ETNK1: variants seen among roughly 807,000 people sequenced by gnomAD.
ETNK1 encodes ethanolamine kinase 1.
In ETNK1, 8 loss-of-function variants were observed where a neutral mutation model predicts 45.1. The observed-to-expected ratio is 0.18, with a 90% CI of 0.10 to 0.32. ETNK1 has a LOEUF of 0.32. Ranked by LOEUF, ETNK1 falls within the 10% of genes least tolerant of loss-of-function variation. The pLI is 1.00. For missense variants in ETNK1, 302 were observed against 430.6 expected, an observed-to-expected ratio of 0.70 and a Z score of 2.64; for synonymous variants, 152 against 151.9, an observed-to-expected ratio of 1.00 and a Z score of -0.01.
chr12:22,643,628 C>T, intron 1 of ETNK1, 135 bp from the exon 2 acceptor site: 1 of 602,182 alleles, frequency 1.7e-6, no homozygotes, highest in East Asian at 2.8e-5. Flanking sequence ...AAATTGTATT[C>T]AAAGATGGTT....
In ETNK1 at chr12:22,659,101, A is replaced by C; in HGVS notation, c.504A>C (p.Gly168=). ...IPKSNLWLKM[G]KYFSLIPTGF... ...AATCTAATCTTTGGCTAAAGATGGG[A>C]AAGTATTTCTCTCTCATTCCCACAG... Residue 168 remains glycine, a synonymous_variant, in exon 3 of 8, where the codon GGA becomes GGC. Transcript: ENST00000266517. 6.2e-7 allele frequency: 1 copy of C among 1,613,898 alleles called. No homozygotes were observed. The highest frequency in any genetic ancestry group is 8.5e-7 in the Non-Finnish European group (1 of 1,179,856).
intron 6 of ETNK1, among the ~76,000 whole-genome samples, chr12:22,674,202 C>T (rs1014077028): frequency 6.6e-6 from 1 of 152,070 alleles, no homozygotes; most frequent in African/African-American, 2.4e-5. Flanking sequence ...TCTTTACATG[C>T]ATTTATATTT....
At chr12:22,647,442 T>C (rs1028769058) in intron 2 of ETNK1, among the ~76,000 whole-genome samples, 4 of 151,914 alleles carry the variant, frequency 2.6e-5, no homozygotes, top group African/African-American at 9.7e-5. Flanking sequence ...AAGAAAGTTA[T>C]ATGCTGTATT....
intron 1 of ETNK1, 144 bp from the exon 2 acceptor site, chr12:22,643,619 A>C: frequency 1.8e-6 from 1 of 569,900 alleles, no homozygotes; most frequent in Non-Finnish European, 3.0e-6. Flanking sequence ...TGTTAGATAA[A>C]ATTGTATTCA....
intron 6 of ETNK1, among the ~76,000 whole-genome samples, chr12:22,679,810 C>G (rs1838394957): frequency 1.3e-5 from 2 of 150,806 alleles, no homozygotes; most frequent in African/African-American, 4.9e-5. Context: ...AAGCAGTTCT[C>G]TGGCCTCAGT....
chr12:22,636,153 G>GA (rs1212864079), intron 1 of ETNK1, among the ~76,000 whole-genome samples: 1 of 152,078 alleles, frequency 6.6e-6, no homozygotes, highest in East Asian at 1.9e-4. Context: ...AACAGAGTGG[G>GA]ACCCTCTCTC....
chr12:22,635,355 A>G (rs1247787948), intron 1 of ETNK1, among the ~76,000 whole-genome samples: 1 of 152,210 alleles, frequency 6.6e-6, no homozygotes, highest in Non-Finnish European at 1.5e-5. Flanking sequence ...AGTTGTTGGC[A>G]TCAGCTGCTG....
chr12:22,671,696 G>A (rs187585300), intron 5 of ETNK1, among the ~76,000 whole-genome samples: 13 of 151,896 alleles, frequency 8.6e-5, no homozygotes, highest in African/African-American at 2.7e-4. Flanking sequence ...AAATTTAGCC[G>A]GGCGTGGTGG....
At chr12:22,642,966 A>G (rs1393377846) in intron 1 of ETNK1, among the ~76,000 whole-genome samples, 1 of 152,002 alleles carries the variant, frequency 6.6e-6, no homozygotes, top group African/African-American at 2.4e-5. Context: ...GCTCAAATCT[A>G]AAAAAGGATT....
intron 4 of ETNK1, among the ~76,000 whole-genome samples, chr12:22,666,774 G>A (rs913788538): frequency 1.1e-4 from 17 of 152,058 alleles, no homozygotes; most frequent in African/African-American, 4.1e-4. Context: ...GAGTAAATCA[G>A]GTTTTGTTTT....
chr12:22,648,554 T>C (rs551581406), intron 2 of ETNK1, among the ~76,000 whole-genome samples: 1 of 152,148 alleles, frequency 6.6e-6, no homozygotes, highest in South Asian at 2.1e-4. Context: ...ATTGGCAGAT[T>C]TCTTTTTAGG....
intron 2 of ETNK1, chr12:22,656,814 A>C (rs1953947656): frequency 6.1e-6 from 6 of 979,838 alleles, no homozygotes; most frequent in Non-Finnish European, 7.3e-6. Flanking sequence ...AATCTGTTAG[A>C]GTTAAATATC....
At chr12:22,683,249 T>C (rs1416486158) in intron 6 of ETNK1, among the ~76,000 whole-genome samples, 1 of 152,010 alleles carries the variant, frequency 6.6e-6, no homozygotes, top group East Asian at 1.9e-4. Context: ...GGAAAGAAAT[T>C]ATATTCCTGT....
intron 4 of ETNK1, among the ~76,000 whole-genome samples, chr12:22,663,657 GT>G (rs1170686063): frequency 6.6e-6 from 1 of 152,034 alleles, no homozygotes; most frequent in Non-Finnish European, 1.5e-5. Flanking sequence ...GTTGTCATTT[GT>G]TTTTGTGCCA....
intron 5 of ETNK1, among the ~76,000 whole-genome samples, chr12:22,672,470 A>G (rs1409184661): frequency 6.6e-6 from 1 of 152,192 alleles, no homozygotes; most frequent in Non-Finnish European, 1.5e-5. Context: ...TTGGACTACC[A>G]AGCTTATCAT....
intron 2 of ETNK1, 40 bp from the exon 3 acceptor site, chr12:22,658,974 T>TA (rs1565444075): frequency 3.1e-6 from 5 of 1,592,088 alleles, no homozygotes; most frequent in Non-Finnish European, 4.3e-6. Flanking sequence ...ACCTTTATGA[T>TA]ACTTAAGTTT....
intron 6 of ETNK1, 76 bp from the exon 7 acceptor site, chr12:22,684,407 T>C (rs1954241158): frequency 3.0e-6 from 3 of 989,734 alleles, no homozygotes; most frequent in South Asian, 1.4e-5. Flanking sequence ...ATTTAGAGGA[T>C]AGAATTAGCA....
intron 7 of ETNK1, 68 bp from the exon 8 acceptor site, chr12:22,684,814 T>TGAA: frequency 7.8e-7 from 1 of 1,286,688 alleles, no homozygotes; most frequent in Admixed American, 2.2e-5. Context: ...GAGGACTGAG[T>TGAA]GAAAATAAGG....
Position 22,661,125 on chromosome 12 carries a change from T to A in ETNK1, c.620T>A (p.Ile207Asn), listed in dbSNP as rs1384730171. The change falls in exon 4 of 8, where the codon ATT (isoleucine) becomes AAT (asparagine). Residue 207 changes from isoleucine to asparagine, a missense_variant. By Grantham distance (149) the Ile-to-Asn change is moderately radical. Around this residue, in one of 3 missense-constraint regions of ETNK1, gnomAD observed 205 missense variants for 259.9 expected, o/e 0.79. Transcript: ENST00000266517. ...LQEEMTWMKEILSNLGSPVVL... is the reference protein window; with the variant it reads ...LQEEMTWMKENLSNLGSPVVL... ...GAAGAGATGACTTGGATGAAGGAGATTCTTTCCAACCTGGGCTCACCTGTT... is the reference window on the plus strand; with the variant it reads ...GAAGAGATGACTTGGATGAAGGAGAATCTTTCCAACCTGGGCTCACCTGTT... 1 of 1,612,766 alleles carries A rather than the reference T, an allele frequency of 6.2e-7. No individual in the cohort carries two copies.
Sources: allele counts gnomAD v4.1 joint callset (sites outside exome capture counted in the v4.1 genomes callset), GRCh38; gene constraint gnomAD v4.1.1; regional missense constraint gnomAD v4.1.1; transcripts MANE v1.5; gene names NCBI Gene and HGNC (gene_info 2026-07-23, HGNC 2026-07-21).